The following RFPL1 variants were observed in gnomAD, a reference collection of about 807,000 sequenced individuals.
RFPL1 encodes ret finger protein like 1.
A neutral mutation model predicts 9.6 loss-of-function variants in RFPL1; 6 were observed. That is an observed-to-expected ratio of 0.62 (90% CI 0.34 to 1.23). RFPL1 has a LOEUF of 1.23. Among genes scored for constraint, RFPL1 ranks in the 50% most tolerant of loss-of-function variants. The pLI, the probability that RFPL1 is intolerant of heterozygous loss-of-function variation, is 0.03. For synonymous variants in RFPL1, 145 were observed against 149.4 expected, an observed-to-expected ratio of 0.97 and a Z score of 0.22; for missense variants, 352 against 398.4, an observed-to-expected ratio of 0.88 and a Z score of 0.99.
At chr22:29,422,107 C>T in the RFPL1 span, among the ~76,000 whole-genome samples, 5 of 152,284 alleles carry the variant, frequency 3.3e-5, no homozygotes, top group South Asian at 6.2e-4. Context: ...TTGTCAGCTA[C>T]GACAACATCC....
chr22:29,427,075 T>C, the RFPL1 span, among the ~76,000 whole-genome samples: 1 of 152,228 alleles, frequency 6.6e-6, no homozygotes, highest in South Asian at 2.1e-4. Flanking sequence ...TTGGGGTGGC[T>C]GTGATTAAGT....
chr22:29,432,826 T>G, the RFPL1 span: 3 of 152,352 alleles, frequency 2.0e-5, no homozygotes, highest in South Asian at 6.2e-4. Context: ...CACTAGTGAT[T>G]GTTTATAGCA....
At chr22:29,416,864 A>C in the RFPL1 span, among the ~76,000 whole-genome samples, 1 of 152,146 alleles carries the variant, frequency 6.6e-6, no homozygotes, top group Non-Finnish European at 1.5e-5. Flanking sequence ...AACAAGGTCC[A>C]TGCTCATGAC....
At chr22:29,431,721 T>C in the RFPL1 span, among the ~76,000 whole-genome samples, 2 of 151,870 alleles carry the variant, frequency 1.3e-5, no homozygotes, top group Admixed American at 1.3e-4. Context: ...AGTCTCACTG[T>C]GTTGCCCAGG....
chr22:29,409,681 G>C, the RFPL1 span, among the ~76,000 whole-genome samples: 1 of 152,146 alleles, frequency 6.6e-6, no homozygotes, highest in South Asian at 2.1e-4. Flanking sequence ...GTTTTTTCTG[G>C]GCCCTCTTGC....
the RFPL1 span, among the ~76,000 whole-genome samples, chr22:29,388,914 C>T: frequency 6.6e-5 from 10 of 152,156 alleles, no homozygotes; most frequent in African/African-American, 2.4e-4. Context: ...TGCTCTGTTG[C>T]TCAAGCTAGA....
At chr22:29,389,387 C>CA in the RFPL1 span, among the ~76,000 whole-genome samples, 1 of 148,026 alleles carries the variant, frequency 6.8e-6, no homozygotes. Flanking sequence ...GACCCTGTCT[C>CA]AAAAAAAGAA....
chr22:29,442,195 C>A, exon 2 of RFPL1: 1 of 1,115,282 alleles, frequency 9.0e-7, no homozygotes, highest in Non-Finnish European at 1.3e-6. Context: ...ACGCTCTACT[C>A]GGTAAAAGCG....
At chr22:29,425,390 A>G in the RFPL1 span, among the ~76,000 whole-genome samples, 1 of 152,280 alleles carries the variant, frequency 6.6e-6, no homozygotes, top group East Asian at 1.9e-4. Flanking sequence ...ACTCAGTTCC[A>G]GCTTGGGGAG....
chr22:29,412,862 G>A, the RFPL1 span, among the ~76,000 whole-genome samples: 2 of 152,098 alleles, frequency 1.3e-5, no homozygotes, highest in African/African-American at 2.4e-5. Context: ...TGAGGACAGC[G>A]AGTTGCCCCT....
the RFPL1 span, among the ~76,000 whole-genome samples, chr22:29,423,394 T>TC: frequency 0.067 from 10,131 of 150,820 alleles, 522 homozygotes; most frequent in East Asian, 0.24. Context: ...TTTTTTTTTT[T>TC]CTTCAGAGAT....
the RFPL1 span, among the ~76,000 whole-genome samples, chr22:29,410,361 GATATATATATCTATATATATAGAT>G: frequency 8.0e-5 from 7 of 86,982 alleles, no homozygotes; most frequent in Admixed American, 4.2e-4. Flanking sequence ...TATATATGTA[GATATATATATCTATATATATAGAT>G]ATATATATTG....
chr22:29,431,943 C>T, the RFPL1 span, among the ~76,000 whole-genome samples: 1 of 152,112 alleles, frequency 6.6e-6, no homozygotes, highest in Non-Finnish European at 1.5e-5. Context: ...CTACCCACCT[C>T]GGCCTCCCAA....
the RFPL1 span, among the ~76,000 whole-genome samples, chr22:29,410,450 A>ATAGATATATATATG: frequency 4.6e-4 from 40 of 87,092 alleles, no homozygotes; most frequent in East Asian, 1.3e-3. Context: ...ATATCTATAT[A>ATAGATATATATATG]TAGATATATA....
upstream of RFPL1, among the ~76,000 whole-genome samples, chr22:29,435,750 A>G (rs2062805696): frequency 6.6e-6 from 1 of 152,252 alleles, no homozygotes; most frequent in Non-Finnish European, 1.5e-5. Context: ...AATATGTGAT[A>G]CATTTTAGGA....
chr22:29,427,217 A>AG, the RFPL1 span, among the ~76,000 whole-genome samples: 1 of 152,222 alleles, frequency 6.6e-6, no homozygotes, highest in Non-Finnish European at 1.5e-5. Flanking sequence ...ACTGATGAGG[A>AG]GGGCTGGGAA....
exon 2 of RFPL1, chr22:29,442,319 T>C (rs2062845074): frequency 2.3e-6 from 1 of 430,092 alleles, no homozygotes; most frequent in Non-Finnish European, 4.1e-6. Context: ...TCCAACTCAT[T>C]GAGTCTTATG....
the RFPL1 span, among the ~76,000 whole-genome samples, chr22:29,428,923 C>A: frequency 6.6e-6 from 1 of 152,032 alleles, no homozygotes; most frequent in Non-Finnish European, 1.5e-5. Context: ...TAACAATGTA[C>A]CTCATAGAAC....
chr22:29,405,239 A>G, the RFPL1 span, among the ~76,000 whole-genome samples: 13,903 of 151,496 alleles, frequency 0.092, 482 homozygotes, highest in African/African-American at 0.1. Context: ...CGGAGCAGGG[A>G]AAGCAGAAGC....
Sources: allele counts gnomAD v4.1 joint callset (sites outside exome capture counted in the v4.1 genomes callset), GRCh38; gene constraint gnomAD v4.1.1; transcripts MANE v1.5; gene names NCBI Gene and HGNC (gene_info 2026-07-23, HGNC 2026-07-21).